ATP6V1C2: variants seen among roughly 807,000 people sequenced by gnomAD.
The protein encoded by ATP6V1C2 is V-type proton ATPase subunit C 2.
Under a neutral mutation model 56.8 loss-of-function variants are expected in ATP6V1C2, and 45 were observed. The observed-to-expected ratio is 0.79, with a 90% CI of 0.62 to 1.02. The LOEUF (loss-of-function observed/expected upper bound fraction) is 1.02. Ranked by LOEUF, ATP6V1C2 falls within the 50% of genes least tolerant of loss-of-function variation. ATP6V1C2 has a pLI of 0.00. For missense variants in ATP6V1C2, 463 were observed against 519.7 expected (o/e 0.89, Z 1.06); for synonymous variants, 220 against 201.3 (o/e 1.09, Z -0.79).
chr2:10,766,742 T>C (rs1211379614), intron 5 of ATP6V1C2, among the ~76,000 whole-genome samples: 8 of 152,218 alleles, frequency 5.3e-5, no homozygotes, highest in Non-Finnish European at 7.3e-5. Flanking sequence ...GTCACAGAGC[T>C]GTATAGTGCA....
At chr2:10,743,263 T>TTA (rs1336527575) in intron 3 of ATP6V1C2, among the ~76,000 whole-genome samples, 10 of 151,640 alleles carry the variant, frequency 6.6e-5, no homozygotes, top group Non-Finnish European at 1.5e-4. Flanking sequence ...TAATATTTAT[T>TTA]TATATATATA....
chr2:10,753,177 T>C (rs1392339072), intron 3 of ATP6V1C2, among the ~76,000 whole-genome samples: 1 of 152,200 alleles, frequency 6.6e-6, no homozygotes, highest in Non-Finnish European at 1.5e-5. Flanking sequence ...CTGATTATAA[T>C]TGGAAAATAT....
In ATP6V1C2 at chr2:10,783,338, G is replaced by A. The variant is rs1199056455; in HGVS notation, c.*75G>A. 6.2e-6 allele frequency: 6 copies of A among 964,018 alleles called. No individual in the cohort carries two copies. In the African/African-American group the frequency reaches 9.8e-5, roughly 16 times the overall value. 59.7% of individuals were successfully genotyped at this position (964,018 alleles called of 1,614,324 possible). ...ACCTCTTTCCTTTAGCCAGAGAATGGTTCAAATGTCTTACAGAACTAAGAT... is the reference window on the plus strand; with the variant it reads ...ACCTCTTTCCTTTAGCCAGAGAATGATTCAAATGTCTTACAGAACTAAGAT... On this transcript the variant is annotated 3_prime_UTR_variant, in exon 14 of 14. Coordinates refer to ENST00000272238, the MANE Select transcript of ATP6V1C2 (RefSeq NM_001039362.2).
intron 8 of ATP6V1C2, among the ~76,000 whole-genome samples, chr2:10,773,872 G>A (rs536966571): frequency 2.0e-5 from 3 of 152,204 alleles, no homozygotes; most frequent in Non-Finnish European, 4.4e-5. Context: ...GATGGCAATC[G>A]GGATCTAAAT....
At position 10,754,984 on chromosome 2, in the gene ATP6V1C2, C is replaced by T. The variant is rs142255522; in HGVS notation, c.283+918C>T. Among the ~76,000 whole-genome samples the T allele has an allele frequency of 3.3e-5, 5 of 152,176 alleles. No homozygotes were observed. In the East Asian group the frequency reaches 9.7e-4, roughly 29 times the overall value. On this transcript the variant is annotated intron_variant, in intron 4 of 13. Coordinates refer to ENST00000272238, the MANE Select transcript of ATP6V1C2 (RefSeq NM_001039362.2). ...TCAGGCTCAAGGGGTCCTCCCACCT[C>T]AGCCTCTCGCTCACCAACACACCTG...
At position 10,771,847 on chromosome 2, in the gene ATP6V1C2, T is replaced by A; in HGVS notation, c.479T>A (p.Leu160His). 1 of 1,613,910 alleles carries A rather than the reference T, an allele frequency of 6.2e-7. No homozygotes were observed. Among genetic ancestry groups the A allele is most frequent in the Non-Finnish European group, 8.5e-7 (1 of 1,179,792 alleles). ...ENLEKKSMGN[L>H]FTRTLSDIVS... ...TTCCACCTGCCTTTTAGGGGGAACC[T>A]CTTCACCCGGACACTGAGTGATATT... The change falls in exon 7 of 14, where the codon CTC becomes CAC. Residue 160 changes from leucine to histidine, a missense_variant. Leu to His is a moderately conservative substitution (Grantham distance 99). Coordinates refer to ENST00000272238, the MANE Select transcript of ATP6V1C2 (RefSeq NM_001039362.2).
upstream of ATP6V1C2, chr2:10,721,607 G>A (rs1661355485): frequency 6.6e-6 from 1 of 151,768 alleles, no homozygotes; most frequent in Non-Finnish European, 1.5e-5. Flanking sequence ...CGGGATAAAA[G>A]GCGGGGCGGG....
At position 10,777,591 on chromosome 2, in the gene ATP6V1C2, T is replaced by G. The variant is rs746386925; in HGVS notation, c.832T>G (p.Ser278Ala). ...ATCATTTCTGTGCCTTTAGCAAACTTCCTGTGTTGCTCTTAAAAAGGGATC... is the reference window on the plus strand; with the variant it reads ...ATCATTTCTGTGCCTTTAGCAAACTGCCTGTGTTGCTCTTAAAAAGGGATC... ...LSDKKQQYQT[S>A]CVALKKGSST... Residue 278 changes from serine (S) to alanine (A), a missense_variant, in exon 11 of 14, where the codon TCC (serine) becomes GCC (alanine). Ser to Ala is a moderately conservative substitution (Grantham distance 99). Transcript: ENST00000272238. The G allele has an allele frequency of 6.2e-6, 10 of 1,611,272 alleles. No individual in the cohort carries two copies. Among genetic ancestry groups the G allele is most frequent in the Non-Finnish European group, 8.5e-6 (10 of 1,179,358 alleles).
At chr2:10,756,016 ATAAT>A (rs1663534358) in intron 4 of ATP6V1C2, among the ~76,000 whole-genome samples, 1 of 152,234 alleles carries the variant, frequency 6.6e-6, no homozygotes, top group African/African-American at 2.4e-5. Context: ...ATCTGTAGAG[ATAAT>A]TAAACTTACA....
chr2:10,752,395 A>C (rs1022583245), intron 3 of ATP6V1C2, among the ~76,000 whole-genome samples: 4 of 152,150 alleles, frequency 2.6e-5, no homozygotes, highest in African/African-American at 9.7e-5. Flanking sequence ...CAGCAGTGGA[A>C]GACCTTGTAC....
At chr2:10,764,493 C>A (rs1057402138) in intron 5 of ATP6V1C2, 68 bp downstream of exon 5, 2 of 1,360,400 alleles carry the variant, frequency 1.5e-6, no homozygotes, top group Admixed American at 3.4e-5. Flanking sequence ...CTGGGTAGGG[C>A]CCCCCTGCCA....
At chr2:10,759,562 C>A (rs967072112) in intron 4 of ATP6V1C2, among the ~76,000 whole-genome samples, 6 of 152,132 alleles carry the variant, frequency 3.9e-5, no homozygotes, top group Non-Finnish European at 8.8e-5. Context: ...ACCTCATGAG[C>A]CCTCAGCCAA....
intron 3 of ATP6V1C2, among the ~76,000 whole-genome samples, chr2:10,742,714 G>A (rs916198848): frequency 6.6e-6 from 1 of 152,128 alleles, no homozygotes; most frequent in Non-Finnish European, 1.5e-5. Context: ...CTCTACCCCA[G>A]GGCCATTCTA....
intron 4 of ATP6V1C2, among the ~76,000 whole-genome samples, chr2:10,758,420 G>A (rs752106879): frequency 6.6e-6 from 1 of 152,034 alleles, no homozygotes; most frequent in Non-Finnish European, 1.5e-5. Context: ...CCCGTGAGTC[G>A]GGTCTCAACT....
chr2:10,723,843 A>G (rs1661491500), intron 2 of ATP6V1C2, among the ~76,000 whole-genome samples: 1 of 68,498 alleles, frequency 1.5e-5, no homozygotes, highest in Non-Finnish European at 2.6e-5. Context: ...GTCTCAAAAA[A>G]AAAAAAAAAA....
chr2:10,753,532 ATTT>A (rs540952695), intron 3 of ATP6V1C2, among the ~76,000 whole-genome samples: 4 of 136,902 alleles, frequency 2.9e-5, no homozygotes, highest in Non-Finnish European at 1.6e-5. Flanking sequence ...GGCTATTAGC[ATTT>A]TTTTTTTTTT....
chr2:10,754,661 C>T (rs1239101383), intron 4 of ATP6V1C2, among the ~76,000 whole-genome samples: 1 of 152,076 alleles, frequency 6.6e-6, no homozygotes, highest in Admixed American at 6.6e-5. Context: ...CAAGCTCCGC[C>T]TTCTGGGTTC....
At chr2:10,727,081 C>G (rs901681730) in intron 3 of ATP6V1C2, among the ~76,000 whole-genome samples, 26 of 109,756 alleles carry the variant, frequency 2.4e-4, no homozygotes, top group African/African-American at 9.4e-4. Context: ...CCCTTCCTCC[C>G]TTTTTTGAGA....
chr2:10,776,882 AG>A (rs1665025741), intron 10 of ATP6V1C2, among the ~76,000 whole-genome samples: 1 of 152,076 alleles, frequency 6.6e-6, no homozygotes. Context: ...GGGCCCTGCC[AG>A]GGTCTCTCTG....
Sources: gnomAD v4.1 joint callset for allele counts (sites outside exome capture counted in the v4.1 genomes callset) on GRCh38, gnomAD v4.1.1 for gene constraint, MANE v1.5 for transcripts, NCBI Gene and HGNC (gene_info 2026-07-23, HGNC 2026-07-21) for gene names.